KCNH1: variants seen among roughly 807,000 people sequenced by gnomAD.
The protein encoded by KCNH1 is potassium voltage-gated channel subfamily H member 1, also known as voltage-gated delayed rectifier potassium channel KCNH1.
A neutral mutation model predicts 69.2 loss-of-function variants in KCNH1; 27 were observed. The ratio of observed to expected loss-of-function variants is 0.39; its 90% CI spans 0.29 to 0.54. KCNH1 has a LOEUF of 0.54. Among genes scored for constraint, KCNH1 ranks in the 20% least tolerant of loss-of-function variants. The probability of loss-of-function intolerance (pLI) is 0.68; values close to 1 mark genes in which losing one functional copy is unlikely to be tolerated. For missense variants in KCNH1, 798 were observed against 1,261.6 expected, an observed-to-expected ratio of 0.63 and a Z score of 5.57; for synonymous variants, 456 against 487.7, an observed-to-expected ratio of 0.93 and a Z score of 0.86.
At chr1:210,974,012 T>C (rs1172571666) in intron 6 of KCNH1, among the ~76,000 whole-genome samples, 1 of 152,190 alleles carries the variant, frequency 6.6e-6, no homozygotes, top group African/African-American at 2.4e-5. Flanking sequence ...TTTCAGAGTA[T>C]GAGTTTGTCA....
At chr1:210,718,283 AATATGTGTATATAAATATATGTAT>A (rs1247405601) in intron 10 of KCNH1, among the ~76,000 whole-genome samples, 2 of 91,250 alleles carry the variant, frequency 2.2e-5, no homozygotes, top group Non-Finnish European at 5.8e-5. Context: ...TGCATATAAA[AATATGTGTATATAAATATATGTAT>A]ATATGTGTAT....
chr1:210,695,703 TTCTTTG>T (rs1044505745), intron 10 of KCNH1, among the ~76,000 whole-genome samples: 3 of 152,094 alleles, frequency 2.0e-5, no homozygotes, highest in Admixed American at 2.0e-4. Context: ...GTCAATTAAC[TTCTTTG>T]TCTTTGTCTA....
intron 10 of KCNH1, among the ~76,000 whole-genome samples, chr1:210,743,846 G>A (rs941386813): frequency 2.6e-5 from 4 of 152,196 alleles, no homozygotes; most frequent in African/African-American, 9.7e-5. Context: ...AGCCCGCTCT[G>A]CAACATCTGG....
intron 10 of KCNH1, among the ~76,000 whole-genome samples, chr1:210,725,410 T>G (rs1238069856): frequency 6.6e-6 from 1 of 152,126 alleles, no homozygotes; most frequent in Non-Finnish European, 1.5e-5. Context: ...AAACACCAAG[T>G]AATGTCCAGA....
intron 5 of KCNH1, among the ~76,000 whole-genome samples, chr1:211,022,107 G>T (rs1317621901): frequency 6.6e-6 from 1 of 151,966 alleles, no homozygotes; most frequent in African/African-American, 2.4e-5. Flanking sequence ...AAAACAACAG[G>T]GTAGTTGCAT....
At chr1:210,888,786 G>A (rs1340535860) in intron 7 of KCNH1, among the ~76,000 whole-genome samples, 6 of 152,086 alleles carry the variant, frequency 3.9e-5, no homozygotes, top group South Asian at 2.1e-4. Flanking sequence ...GCCTCTATGC[G>A]AATGAACTAG....
rs552648329 is a variant in KCNH1 at position 210,699,842 on chromosome 1, G to T, written c.2113-15704C>A. Among the ~76,000 whole-genome samples, 214 of 152,316 alleles carry T rather than the reference G, an allele frequency of 1.4e-3. 2 individuals carry two copies. The highest frequency in any genetic ancestry group is 0.01 in the Middle Eastern group (3 of 294). The stretch of plus-strand genomic sequence containing the variant: ...TGAATGTGGACGCTGAGGCACCAAG[G>T]TGTTTGAGGCTACTAAGTGGTAGGG... On this transcript the variant is annotated intron_variant, in intron 10 of 10. Transcript: ENST00000271751.
intron 6 of KCNH1, among the ~76,000 whole-genome samples, chr1:210,995,695 G>A: frequency 6.6e-6 from 1 of 152,180 alleles, no homozygotes; most frequent in East Asian, 1.9e-4. Context: ...AGTGAGATAT[G>A]TCAAGACCCT....
intron 10 of KCNH1, among the ~76,000 whole-genome samples, chr1:210,758,331 T>G (rs1350590054): frequency 6.6e-6 from 1 of 152,194 alleles, no homozygotes; most frequent in Non-Finnish European, 1.5e-5. Flanking sequence ...CAGTAGGTGC[T>G]GGAATTAGAC....
chr1:210,772,927 G>GA (rs796393681), intron 10 of KCNH1, among the ~76,000 whole-genome samples: 4 of 151,966 alleles, frequency 2.6e-5, no homozygotes, highest in East Asian at 1.9e-4. Flanking sequence ...TCTACTTACA[G>GA]AAAAAATCTG....
Position 210,681,467 on chromosome 1 carries a change from T to C in KCNH1, c.*1814A>G, listed in dbSNP as rs1681263833. 1 of 152,190 alleles carries C rather than the reference T, an allele frequency of 6.6e-6. No homozygotes were observed. The highest frequency in any genetic ancestry group is 2.1e-4 in the South Asian group (1 of 4,830). The allele number at this position is 152,190 out of a possible 1,614,324, so 9.4% of individuals were successfully genotyped here. ...GGTTAGGGCTCATGGAGCAGGACTC[T>C]CCCTTGAGCTCGCAGGCCTTGTCTT... On this transcript the variant is annotated 3_prime_UTR_variant, in exon 11 of 11. Coordinates refer to ENST00000271751, the MANE Select transcript of KCNH1 (RefSeq NM_172362.3).
intron 7 of KCNH1, among the ~76,000 whole-genome samples, chr1:210,911,131 G>A (rs559984957): frequency 2.0e-5 from 3 of 152,226 alleles, no homozygotes; most frequent in East Asian, 3.9e-4. Flanking sequence ...CCTGACCTAA[G>A]CTGCTTGAAG....
At chr1:211,081,206 C>G in intron 5 of KCNH1, among the ~76,000 whole-genome samples, 1 of 152,178 alleles carries the variant, frequency 6.6e-6, no homozygotes. Flanking sequence ...AGCCAACAGA[C>G]ACATGAAAAA....
chr1:210,926,682 C>G (rs764916109), intron 6 of KCNH1, among the ~76,000 whole-genome samples: 9 of 152,008 alleles, frequency 5.9e-5, no homozygotes, highest in Non-Finnish European at 1.0e-4. Flanking sequence ...AAAGATCATA[C>G]CAGCTCACCA....
chr1:210,958,758 A>T lies in KCNH1; in HGVS notation c.1033-38689T>A, dbSNP rs1240835536. 3.9e-5 allele frequency among the ~76,000 whole-genome samples: 6 copies of T among 152,196 alleles called. No individual in the cohort carries two copies. The South Asian group carries it at 8.3e-4, about 21-fold the overall frequency. ...TTCTCCTACCACGGTTTTCAACTCC[A>T]TCAGGTCATTTAGGGTCTTCTCTAC... is the stretch of plus-strand genomic sequence containing the variant. On this transcript the variant is annotated intron_variant, in intron 6 of 10. Transcript: ENST00000271751.
intron 6 of KCNH1, among the ~76,000 whole-genome samples, chr1:210,934,959 T>C (rs1333693037): frequency 6.6e-6 from 1 of 151,894 alleles, no homozygotes; most frequent in Non-Finnish European, 1.5e-5. Flanking sequence ...AATAGAACCA[T>C]CATATGATCC....
At chr1:211,062,053 T>C (rs189209645) in intron 5 of KCNH1, among the ~76,000 whole-genome samples, 191 of 152,250 alleles carry the variant, frequency 1.3e-3, no homozygotes, top group African/African-American at 4.4e-3. Flanking sequence ...TCACATTATC[T>C]GACTTCAAAT....
At chr1:211,023,360 C>T (rs539972775) in intron 5 of KCNH1, among the ~76,000 whole-genome samples, 37 of 151,768 alleles carry the variant, frequency 2.4e-4, no homozygotes, top group African/African-American at 8.9e-4. Flanking sequence ...ATGTTTATTG[C>T]AGCATTATTC....
intron 7 of KCNH1, among the ~76,000 whole-genome samples, chr1:210,814,213 C>T (rs1429039603): frequency 6.6e-6 from 1 of 152,068 alleles, no homozygotes; most frequent in Non-Finnish European, 1.5e-5. Context: ...ACAAGAGATG[C>T]AATTTGGAAT....
Sources: allele counts gnomAD v4.1 joint callset (sites outside exome capture counted in the v4.1 genomes callset), GRCh38; gene constraint gnomAD v4.1.1; transcripts MANE v1.5; gene names NCBI Gene and HGNC (gene_info 2026-07-23, HGNC 2026-07-21).